Variants in PPARGC1A observed in about 807,000 individuals in gnomAD.
The protein encoded by PPARGC1A is PPARG coactivator 1 alpha.
PPARGC1A carries 25 observed loss-of-function variants against 88.7 expected under a neutral mutation model. The observed-to-expected ratio is 0.28, with a 90% CI of 0.21 to 0.39. The LOEUF is 0.39. Ranked by LOEUF, PPARGC1A falls within the 10% of genes least tolerant of loss-of-function variation. PPARGC1A has a pLI of 1.00. For missense variants in PPARGC1A, 880 were observed against 968.7 expected (o/e 0.91, Z 1.22); for synonymous variants, 363 against 355.6 (o/e 1.02, Z -0.24).
the PPARGC1A span, among the ~76,000 whole-genome samples, chr4:24,338,497 A>G: frequency 6.6e-6 from 1 of 152,188 alleles, no homozygotes; most frequent in Admixed American, 6.5e-5. Context: ...CCAGGCTGAT[A>G]ACTTTCAACA....
At chr4:24,126,490 C>T in the PPARGC1A span, among the ~76,000 whole-genome samples, 468 of 152,192 alleles carry the variant, frequency 3.1e-3, 4 homozygotes, top group Non-Finnish European at 5.0e-3. Context: ...AGTAGAAGCC[C>T]GTAGCAGGAT....
At chr4:24,093,398 T>G in the PPARGC1A span, among the ~76,000 whole-genome samples, 2 of 152,196 alleles carry the variant, frequency 1.3e-5, no homozygotes, top group Non-Finnish European at 2.9e-5. Context: ...TAACTTGCCA[T>G]TATTATCCTT....
chr4:23,971,120 C>T, the PPARGC1A span, among the ~76,000 whole-genome samples: 1 of 152,042 alleles, frequency 6.6e-6, no homozygotes, highest in South Asian at 2.1e-4. Context: ...TAATTATTGC[C>T]CAAGTGGCTG....
the PPARGC1A span, among the ~76,000 whole-genome samples, chr4:24,000,393 G>A: frequency 2.0e-5 from 3 of 152,248 alleles, no homozygotes; most frequent in East Asian, 5.8e-4. Flanking sequence ...TTATAAAACA[G>A]CTAAGGAATT....
At chr4:24,295,143 T>G in the PPARGC1A span, among the ~76,000 whole-genome samples, 20 of 152,220 alleles carry the variant, frequency 1.3e-4, no homozygotes, top group African/African-American at 4.8e-4. Flanking sequence ...TCTATAAGCA[T>G]CAAACCAAAA....
chr4:23,814,619 TAAA>T lies in PPARGC1A; in HGVS notation c.878-17_878-15del, dbSNP rs11290186. 6,464 of 1,164,584 alleles carry T rather than the reference TAAA, an allele frequency of 5.6e-3. No individual in the cohort carries two copies. The highest frequency in any genetic ancestry group is 9.2e-3 in the South Asian group (422 of 45,954). 72.1% of individuals were successfully genotyped at this position (1,164,584 alleles called of 1,614,324 possible). A position where few individuals can be genotyped will look rare whatever the true frequency, so the allele number is the denominator to read the frequency against. On this transcript the variant is annotated splice_polypyrimidine_tract_variant and intron_variant, in intron 7 of 12. Coordinates refer to ENST00000264867, the MANE Select transcript of PPARGC1A (RefSeq NM_013261.5). ...GTGGAGTTAGGCCTAAGGCAAAAAT[TAAA>T]AAAAAAAAAAAAAAGAGAGAGAAAG...
the PPARGC1A span, among the ~76,000 whole-genome samples, chr4:24,145,297 C>G: frequency 1.3e-5 from 2 of 152,128 alleles, no homozygotes; most frequent in East Asian, 1.9e-4. Flanking sequence ...TCAAACCCAC[C>G]CTGCACTTGT....
At chr4:24,208,682 A>AAT in the PPARGC1A span, among the ~76,000 whole-genome samples, 11 of 134,996 alleles carry the variant, frequency 8.1e-5, no homozygotes, top group African/African-American at 2.4e-4. Flanking sequence ...TCAGAAAAAA[A>AAT]ATATATATAT....
At chr4:24,275,818 C>T in the PPARGC1A span, among the ~76,000 whole-genome samples, 1 of 152,114 alleles carries the variant, frequency 6.6e-6, no homozygotes, top group Non-Finnish European at 1.5e-5. Flanking sequence ...TATAAGCATG[C>T]ACTGCCAATA....
the PPARGC1A span, among the ~76,000 whole-genome samples, chr4:24,232,215 T>A: frequency 2.7e-5 from 4 of 147,338 alleles, no homozygotes; most frequent in Middle Eastern, 3.4e-3. Flanking sequence ...AAAAAAAAAA[T>A]TCTGGATTGA....
chr4:24,106,981 C>CA, the PPARGC1A span, among the ~76,000 whole-genome samples: 163 of 152,212 alleles, frequency 1.1e-3, no homozygotes, highest in African/African-American at 3.7e-3. Context: ...CATTATTTGG[C>CA]AAAAAATAAC....
At chr4:24,001,570 A>C in the PPARGC1A span, among the ~76,000 whole-genome samples, 245 of 152,326 alleles carry the variant, frequency 1.6e-3, 2 homozygotes, top group Admixed American at 2.8e-3. Context: ...TATATTTCAA[A>C]AGCCAAACCA....
chr4:24,402,063 C>T, the PPARGC1A span, among the ~76,000 whole-genome samples: 1 of 152,308 alleles, frequency 6.6e-6, no homozygotes, highest in Non-Finnish European at 1.5e-5. Context: ...AGTGCTCTCG[C>T]CCCACCCCAG....
chr4:24,025,683 C>T, the PPARGC1A span, among the ~76,000 whole-genome samples: 19 of 147,902 alleles, frequency 1.3e-4, no homozygotes, highest in Non-Finnish European at 2.3e-4. Context: ...AAACAAGTGG[C>T]ACAGAAGACA....
At chr4:24,386,460 T>C in the PPARGC1A span, among the ~76,000 whole-genome samples, 1 of 152,220 alleles carries the variant, frequency 6.6e-6, no homozygotes, top group Non-Finnish European at 1.5e-5. Flanking sequence ...TTGTCTCTGT[T>C]TGCAGATGAC....
At chr4:23,842,526 CTAGATA>C (rs1023040315) in intron 2 of PPARGC1A, among the ~76,000 whole-genome samples, 1 of 152,090 alleles carries the variant, frequency 6.6e-6, no homozygotes, top group African/African-American at 2.4e-5. Flanking sequence ...ATCAAAATCT[CTAGATA>C]TGAGTTTCTG....
At chr4:23,830,754 G>T (rs954840872) in intron 3 of PPARGC1A, among the ~76,000 whole-genome samples, 1 of 152,104 alleles carries the variant, frequency 6.6e-6, no homozygotes, top group Non-Finnish European at 1.5e-5. Context: ...ATGACAAATG[G>T]CTATCATAGA....
chr4:24,145,588 G>C, the PPARGC1A span, among the ~76,000 whole-genome samples: 6 of 152,170 alleles, frequency 3.9e-5, no homozygotes, highest in Non-Finnish European at 8.8e-5. Flanking sequence ...TACAAGGATT[G>C]TCCTTCCCAG....
the PPARGC1A span, among the ~76,000 whole-genome samples, chr4:23,959,612 T>A: frequency 6.6e-6 from 1 of 152,068 alleles, no homozygotes. Context: ...CTTGGAAAGA[T>A]GCCAACAGGA....
Sources: gnomAD v4.1 joint callset for allele counts (sites outside exome capture counted in the v4.1 genomes callset) on GRCh38, gnomAD v4.1.1 for gene constraint, MANE v1.5 for transcripts, NCBI Gene and HGNC (gene_info 2026-07-23, HGNC 2026-07-21) for gene names.